Variants in CLCA1 observed in about 807,000 individuals in gnomAD.
CLCA1 encodes calcium-activated chloride channel regulator 1.
A neutral mutation model predicts 85.6 loss-of-function variants in CLCA1; 59 were observed. The observed-to-expected ratio is 0.69, with a 90% confidence interval of 0.56 to 0.86. The LOEUF is 0.86. CLCA1 is among the 40% of genes least tolerant of loss of function. The pLI, the probability that CLCA1 is intolerant of heterozygous loss-of-function variation, is 0.00. For missense variants in CLCA1, 1,022 were observed against 1,101.4 expected, an observed-to-expected ratio of 0.93 and a Z score of 1.02; for synonymous variants, 396 against 398.3, an observed-to-expected ratio of 0.99 and a Z score of 0.07.
At chr1:86,472,551 C>G (rs991770573) in intron 1 of CLCA1, among the ~76,000 whole-genome samples, 6 of 152,176 alleles carry the variant, frequency 3.9e-5, no homozygotes, top group Non-Finnish European at 8.8e-5. Context: ...TACACTGCCC[C>G]CTTTCTATAA....
intron 4 of CLCA1, among the ~76,000 whole-genome samples, chr1:86,477,793 T>C (rs1035011420): frequency 2.0e-5 from 3 of 152,188 alleles, no homozygotes; most frequent in African/African-American, 4.8e-5. Flanking sequence ...ATTGTTCCAA[T>C]AGATTCTCAA....
At chr1:86,479,651 C>T (rs1029020089) in intron 4 of CLCA1, among the ~76,000 whole-genome samples, 34 of 152,038 alleles carry the variant, frequency 2.2e-4, no homozygotes, top group African/African-American at 7.7e-4. Flanking sequence ...TTTAGGAGGC[C>T]GAGGCAGGCA....
intron 1 of CLCA1, among the ~76,000 whole-genome samples, chr1:86,471,598 A>G (rs1434339606): frequency 6.6e-6 from 1 of 152,138 alleles, no homozygotes; most frequent in Non-Finnish European, 1.5e-5. Context: ...GTAAAACAAT[A>G]CTCTAATATA....
chr1:86,478,769 C>T (rs922066385), intron 4 of CLCA1, among the ~76,000 whole-genome samples: 10 of 152,200 alleles, frequency 6.6e-5, no homozygotes, highest in Admixed American at 5.2e-4. Context: ...AAGACATGAT[C>T]GCCATGTCCT....
chr1:86,486,017 G>GGTGAGAGAGAGAGA (rs1647955749), intron 6 of CLCA1, among the ~76,000 whole-genome samples: 1 of 147,322 alleles, frequency 6.8e-6, no homozygotes, highest in African/African-American at 2.5e-5. Flanking sequence ...CATGGCAGCA[G>GGTGAGAGAGAGAGA]GAGAGAGAGA....
At chr1:86,478,889 C>T (rs1558136091) in intron 4 of CLCA1, among the ~76,000 whole-genome samples, 1 of 152,146 alleles carries the variant, frequency 6.6e-6, no homozygotes, top group Non-Finnish European at 1.5e-5. Context: ...ACAGCACTGC[C>T]CAGGACAGGA....
chr1:86,482,403 C>G, intron 5 of CLCA1, 21 bp downstream of exon 5: 1 of 1,601,972 alleles, frequency 6.2e-7, no homozygotes, highest in Non-Finnish European at 8.5e-7. Context: ...TGTTCTCACC[C>G]CCTCCCCCAG....
intron 7 of CLCA1, among the ~76,000 whole-genome samples, chr1:86,488,587 T>A (rs1352006743): frequency 1.3e-5 from 2 of 152,118 alleles, no homozygotes; most frequent in Non-Finnish European, 2.9e-5. Flanking sequence ...ATCATATAAG[T>A]TAAAGTCTGC....
At position 86,485,490 on chromosome 1, in the gene CLCA1, C is replaced by G; in HGVS notation, c.883C>G (p.Pro295Ala). The change falls in exon 6 of 14, where the codon CCC becomes GCC. Residue 295 changes from proline to alanine, a missense_variant. Physicochemically the swap from Pro to Ala is conservative, Grantham distance 27. Transcript: ENST00000394711. ...TCCTATGACAACACAGCCACCAAAT[C>G]CCACCTTCTCATTGCTGCAGATTGG... ...TTPMTTQPPN[P>A]TFSLLQIGQR... 1 of 1,614,182 alleles carries G rather than the reference C, an allele frequency of 6.2e-7. No homozygotes were observed. The highest frequency in any genetic ancestry group is 8.5e-7 in the Non-Finnish European group (1 of 1,180,030).
intron 7 of CLCA1, among the ~76,000 whole-genome samples, chr1:86,487,241 CT>C (rs1648007404): frequency 6.6e-6 from 1 of 152,212 alleles, no homozygotes; most frequent in African/African-American, 2.4e-5. Flanking sequence ...TTTATTACCC[CT>C]GTCACCCACC....
intron 7 of CLCA1, among the ~76,000 whole-genome samples, 192 bp downstream of exon 7, chr1:86,486,945 A>G (rs1377066688): frequency 6.6e-6 from 1 of 152,220 alleles, no homozygotes; most frequent in Non-Finnish European, 1.5e-5. Flanking sequence ...GCTGGCAGGC[A>G]TAAGGTCTCA....
At chr1:86,488,034 T>C (rs1483156915) in intron 7 of CLCA1, among the ~76,000 whole-genome samples, 1 of 152,208 alleles carries the variant, frequency 6.6e-6, no homozygotes, top group Non-Finnish European at 1.5e-5. Context: ...TGTTCTCTTC[T>C]AGGGAGTCAA....
intron 3 of CLCA1, among the ~76,000 whole-genome samples, chr1:86,474,553 CA>C (rs142437955): frequency 0.15 from 16,766 of 108,954 alleles, 989 homozygotes; most frequent in Middle Eastern, 0.29. Flanking sequence ...GACTCCGTAT[CA>C]AAAAAAAAAA....
At chr1:86,482,016 C>G (rs1490488545) in intron 4 of CLCA1, among the ~76,000 whole-genome samples, 189 bp from the exon 5 acceptor site, 1 of 152,192 alleles carries the variant, frequency 6.6e-6, no homozygotes, top group African/African-American at 2.4e-5. Context: ...TTGCAATCCC[C>G]TCAGATACTT....
chr1:86,476,696 C>G, intron 4 of CLCA1, 143 bp downstream of exon 4: 1 of 513,602 alleles, frequency 1.9e-6, no homozygotes, highest in Non-Finnish European at 3.5e-6. Context: ...CAGATTTCCA[C>G]AAAACTACCA....
At position 86,485,936 on chromosome 1, in the gene CLCA1, A is replaced by G. The variant is rs143525769; in HGVS notation, c.954+375A>G. ...TAAAGGAAAGAGGTTTAATCAACTC[A>G]CAGTTCCACACGGCTGGGGAGGCCT... On this transcript the variant is annotated intron_variant, in intron 6 of 13. Transcript: ENST00000394711. Among the ~76,000 whole-genome samples, 789 of 152,184 alleles carry G rather than the reference A, an allele frequency of 5.2e-3. 6 individuals carry two copies. The highest frequency in any genetic ancestry group is 0.018 in the African/African-American group (749 of 41,496).
chr1:86,488,107 C>T (rs1464898601), intron 7 of CLCA1, among the ~76,000 whole-genome samples: 5 of 152,210 alleles, frequency 3.3e-5, no homozygotes, highest in Non-Finnish European at 5.9e-5. Context: ...CCTCAGCTTT[C>T]CCTTCCACCT....
chr1:86,499,631 A>G (rs1187975017), intron 13 of CLCA1, 23 bp from the exon 14 acceptor site: 1 of 1,453,082 alleles, frequency 6.9e-7, no homozygotes, highest in East Asian at 2.3e-5. Flanking sequence ...AATTAAAGTC[A>G]CATTCTTCTT....
intron 8 of CLCA1, among the ~76,000 whole-genome samples, chr1:86,490,917 A>C (rs1648117437): frequency 3.3e-5 from 5 of 151,012 alleles, no homozygotes; most frequent in Admixed American, 1.3e-4. Context: ...AAAAAAAAAA[A>C]AAAAATACAA....
Sources: gnomAD v4.1 joint callset for allele counts (sites outside exome capture counted in the v4.1 genomes callset) on GRCh38, gnomAD v4.1.1 for gene constraint, MANE v1.5 for transcripts, NCBI Gene and HGNC (gene_info 2026-07-23, HGNC 2026-07-21) for gene names.